MBNL2: variants seen among roughly 807,000 people sequenced by gnomAD.
MBNL2 encodes muscleblind like splicing regulator 2.
In MBNL2, 17 loss-of-function variants were observed where a neutral mutation model predicts 41.9. The ratio of observed to expected loss-of-function variants is 0.41; its 90% CI spans 0.28 to 0.61. The LOEUF is 0.61. Ranked by LOEUF, MBNL2 falls within the 20% of genes least tolerant of loss-of-function variation. The pLI is 0.35. For missense variants in MBNL2, 336 were observed against 505.6 expected, an observed-to-expected ratio of 0.66 and a Z score of 3.22; for synonymous variants, 195 against 182.9, an observed-to-expected ratio of 1.07 and a Z score of -0.53.
chr13:97,281,294 C>G (rs1044790293), intron 2 of MBNL2, among the ~76,000 whole-genome samples: 9 of 152,190 alleles, frequency 5.9e-5, no homozygotes, highest in Non-Finnish European at 8.8e-5. Context: ...AGTGGACAAC[C>G]TGTACAGACA....
chr13:97,328,885 A>C (rs1351593381), intron 2 of MBNL2, among the ~76,000 whole-genome samples: 1 of 152,142 alleles, frequency 6.6e-6, no homozygotes, highest in Admixed American at 6.5e-5. Flanking sequence ...AGATTCCAAA[A>C]ATTACTTGTT....
At position 97,388,053 on chromosome 13, in the gene MBNL2, A is replaced by G. The variant is rs1040477873; in HGVS notation, c.1049-3269A>G. 2.6e-5 allele frequency among the ~76,000 whole-genome samples: 4 copies of G among 152,254 alleles called. No individual in the cohort carries two copies. In the East Asian group the frequency reaches 5.8e-4, roughly 22 times the overall value. The stretch of plus-strand genomic sequence containing the variant: ...TTTGACCAAATGCAGGACAGGAAAG[A>G]AGTGATGGACAGTTGGTCTGTTGAG... On this transcript the variant is annotated intron_variant, in intron 8 of 8. Transcript: ENST00000679496.
chr13:97,149,019 T>A, the MBNL2 span, among the ~76,000 whole-genome samples: 1 of 152,194 alleles, frequency 6.6e-6, no homozygotes, highest in African/African-American at 2.4e-5. Context: ...ACGCAATATG[T>A]TTGCTGTGTG....
chr13:97,170,816 G>C, the MBNL2 span, among the ~76,000 whole-genome samples: 1 of 152,164 alleles, frequency 6.6e-6, no homozygotes, highest in Admixed American at 6.6e-5. Context: ...CAGAATTCAG[G>C]CTCCTCTCCT....
intron 1 of MBNL2, among the ~76,000 whole-genome samples, chr13:97,223,412 G>T (rs556736682): frequency 6.6e-6 from 1 of 152,320 alleles, no homozygotes; most frequent in Non-Finnish European, 1.5e-5. Context: ...ATTTGCTAAA[G>T]AATTCTTTCT....
At chr13:97,263,422 GCAGA>G (rs1357525804) in intron 1 of MBNL2, among the ~76,000 whole-genome samples, 3 of 152,092 alleles carry the variant, frequency 2.0e-5, no homozygotes, top group African/African-American at 7.2e-5. Context: ...TGATACTTAG[GCAGA>G]CAAAGCCCCT....
chr13:97,194,363 G>A, the MBNL2 span, among the ~76,000 whole-genome samples: 1 of 152,138 alleles, frequency 6.6e-6, no homozygotes, highest in South Asian at 2.1e-4. Context: ...GTGGCCAAAT[G>A]AATTAAACTT....
At chr13:97,239,474 C>G (rs2043875942) in intron 1 of MBNL2, among the ~76,000 whole-genome samples, 1 of 152,184 alleles carries the variant, frequency 6.6e-6, no homozygotes, top group Non-Finnish European at 1.5e-5. Context: ...TCACAGAAAT[C>G]CATAGTCCAT....
At chr13:97,295,022 G>A (rs2056801572) in intron 2 of MBNL2, among the ~76,000 whole-genome samples, 1 of 152,188 alleles carries the variant, frequency 6.6e-6, no homozygotes, top group Non-Finnish European at 1.5e-5. Flanking sequence ...ATCATTGTGA[G>A]GGGAAAGTAA....
chr13:97,297,105 A>G (rs2057120690), intron 2 of MBNL2, among the ~76,000 whole-genome samples: 1 of 152,184 alleles, frequency 6.6e-6, no homozygotes, highest in African/African-American at 2.4e-5. Context: ...CTCCTTCTGC[A>G]CATTCATTTT....
intron 2 of MBNL2, among the ~76,000 whole-genome samples, chr13:97,293,702 AGCTTAGTATTTC>A (rs2056561118): frequency 6.6e-6 from 1 of 152,004 alleles, no homozygotes; most frequent in Non-Finnish European, 1.5e-5. Flanking sequence ...TGTTGTTCTG[AGCTTAGTATTTC>A]CTGAGTCTCG....
intron 5 of MBNL2, among the ~76,000 whole-genome samples, chr13:97,348,773 G>GCAGCCATCACCT (rs777306227): frequency 1.3e-5 from 2 of 152,260 alleles, no homozygotes; most frequent in East Asian, 3.9e-4. Context: ...GTTCTAGTTA[G>GCAGCCATCACCT]CAGCCATCAC....
At chr13:97,176,349 C>A in the MBNL2 span, among the ~76,000 whole-genome samples, 3 of 152,088 alleles carry the variant, frequency 2.0e-5, no homozygotes, top group Non-Finnish European at 4.4e-5. Context: ...TTTTGGAACA[C>A]AGAATTAAAT....
chr13:97,383,661 C>T (rs945257835), intron 8 of MBNL2, among the ~76,000 whole-genome samples: 2 of 152,072 alleles, frequency 1.3e-5, no homozygotes, highest in Non-Finnish European at 2.9e-5. Flanking sequence ...TGAAATATTA[C>T]GGACATTACA....
At chr13:97,189,496 G>A in the MBNL2 span, among the ~76,000 whole-genome samples, 1 of 152,094 alleles carries the variant, frequency 6.6e-6, no homozygotes, top group East Asian at 1.9e-4. Context: ...GTGTACGGGA[G>A]GAAATATAAA....
chr13:97,336,254 G>A (rs1465207556), intron 3 of MBNL2, among the ~76,000 whole-genome samples: 1 of 152,082 alleles, frequency 6.6e-6, no homozygotes, highest in Non-Finnish European at 1.5e-5. Context: ...ATCACTGGAA[G>A]TATTAGAATA....
In MBNL2 at chr13:97,302,833, A is replaced by G. The variant is rs537425239; in HGVS notation, c.174+26424A>G. Among the ~76,000 whole-genome samples the G allele has an allele frequency of 1.4e-4, 21 of 152,292 alleles. No homozygotes were observed. The South Asian group carries it at 1.7e-3, about 12-fold the overall frequency. On this transcript the variant is annotated intron_variant, in intron 2 of 8. Transcript: ENST00000679496. ...GAAAGGCTGGCAGGCAGAGAGTGAA[A>G]AGGACAGTGAAGAAGGGAGGGAGGG... is the stretch of plus-strand genomic sequence containing the variant.
At chr13:97,345,549 T>G (rs144934840) in intron 4 of MBNL2, among the ~76,000 whole-genome samples, 169 of 152,314 alleles carry the variant, frequency 1.1e-3, no homozygotes, top group African/African-American at 3.9e-3. Flanking sequence ...AATAAACTAT[T>G]TCCCTCCATT....
intron 8 of MBNL2, among the ~76,000 whole-genome samples, chr13:97,386,244 G>A (rs1427219370): frequency 6.6e-6 from 1 of 152,214 alleles, no homozygotes; most frequent in African/African-American, 2.4e-5. Context: ...AGCTCAGGAA[G>A]CCATCCAGAC....
Sources: gnomAD v4.1 joint callset for allele counts (sites outside exome capture counted in the v4.1 genomes callset) on GRCh38, gnomAD v4.1.1 for gene constraint, MANE v1.5 for transcripts, NCBI Gene and HGNC (gene_info 2026-07-23, HGNC 2026-07-21) for gene names.